The following WASHC4 variants were observed in gnomAD, a reference collection of about 807,000 sequenced individuals.
WASHC4 encodes WASH complex subunit 4.
In WASHC4, 86 loss-of-function variants were observed where a neutral mutation model predicts 166.6. That is an observed-to-expected ratio of 0.52 (90% CI 0.43 to 0.62). The LOEUF is 0.62. Ranked by LOEUF, WASHC4 falls within the 20% of genes least tolerant of loss-of-function variation. The pLI is 0.00. For synonymous variants in WASHC4, 446 were observed against 451.6 expected (o/e 0.99, Z 0.16); for missense variants, 1,262 against 1,382.4 (o/e 0.91, Z 1.38).
Position 105,168,525 on chromosome 12 carries a change from C to A in WASHC4, c.*1594C>A, listed in dbSNP as rs1407567843. On this transcript the variant is annotated 3_prime_UTR_variant, in exon 33 of 33. Transcript: ENST00000332180. ...GTATTGTTTTCTCTGTTTTTCTTCT[C>A]TAACTTCTCTGAAATCATCTCCTAT... The A allele has an allele frequency of 6.6e-6, 1 of 152,254 alleles. No individual in the cohort carries two copies. The highest frequency in any genetic ancestry group is 1.5e-5 in the Non-Finnish European group (1 of 67,892). 9.4% of individuals were successfully genotyped at this position (152,254 alleles called of 1,614,324 possible). A position where few individuals can be genotyped will look rare whatever the true frequency, so the allele number is the denominator to read the frequency against.
chr12:105,164,598 T>G, intron 31 of WASHC4, 43 bp from the exon 32 acceptor site: 1 of 1,360,104 alleles, frequency 7.4e-7, no homozygotes, highest in Non-Finnish European at 1.0e-6. Flanking sequence ...TTTGCCATAA[T>G]AAGTATTTTT....
chr12:105,112,824 T>C (rs1879820270), intron 2 of WASHC4, among the ~76,000 whole-genome samples: 1 of 152,152 alleles, frequency 6.6e-6, no homozygotes, highest in African/African-American at 2.4e-5. Context: ...GTAGATACAA[T>C]GTCATCTCCA....
intron 6 of WASHC4, among the ~76,000 whole-genome samples, chr12:105,117,223 G>C (rs1880271642): frequency 6.6e-6 from 1 of 152,150 alleles, no homozygotes. Flanking sequence ...TTGTCTGACA[G>C]TATAATAATA....
At chr12:105,154,943 G>C (rs1479943201) in intron 26 of WASHC4, among the ~76,000 whole-genome samples, 5 of 152,178 alleles carry the variant, frequency 3.3e-5, no homozygotes, top group African/African-American at 1.2e-4. Flanking sequence ...CCTTAAAATA[G>C]ATTCAATGTT....
At chr12:105,109,835 C>T (rs1275008371) in intron 1 of WASHC4, among the ~76,000 whole-genome samples, 1 of 151,760 alleles carries the variant, frequency 6.6e-6, no homozygotes, top group Non-Finnish European at 1.5e-5. Flanking sequence ...ATGTTGAACT[C>T]CTGGTCTCAA....
intron 8 of WASHC4, 31 bp downstream of exon 8, chr12:105,120,628 T>A: frequency 1.4e-6 from 2 of 1,480,084 alleles, no homozygotes; most frequent in Non-Finnish European, 1.9e-6. Context: ...CCTGTAAAAC[T>A]GTAATTATTA....
chr12:105,129,472 T>TG (rs1881602684), intron 13 of WASHC4, among the ~76,000 whole-genome samples: 1 of 152,214 alleles, frequency 6.6e-6, no homozygotes, highest in Non-Finnish European at 1.5e-5. Context: ...CCATGTGTCA[T>TG]GGGGGTTTGT....
At position 105,122,191 on chromosome 12, in the gene WASHC4, T is replaced by A; in HGVS notation, c.739T>A (p.Phe247Ile). The change falls in exon 10 of 33, where the codon TTC (phenylalanine) becomes ATC (isoleucine). Residue 247 changes from phenylalanine (F) to isoleucine (I), a missense_variant. Phe to Ile is a conservative substitution (Grantham distance 21). Transcript: ENST00000332180. ...QEEKLKPFEK[F>I]LLKLEGQLLD... ...AGAAAAATTAAAGCCATTTGAAAAG[T>A]TCTTGCTGAAGCTAGAAGGGCAATT... The A allele has an allele frequency of 6.2e-7, 1 of 1,612,890 alleles. No individual in the cohort carries two copies. Among genetic ancestry groups the A allele is most frequent in the African/African-American group, 1.3e-5 (1 of 75,000 alleles).
At chr12:105,119,554 C>T (rs1880522740) in intron 7 of WASHC4, among the ~76,000 whole-genome samples, 1 of 152,038 alleles carries the variant, frequency 6.6e-6, no homozygotes, top group African/African-American at 2.4e-5. Context: ...CTCCCATTTT[C>T]CCCCTCAGTT....
chr12:105,114,731 A>G (rs1457145680), intron 4 of WASHC4, among the ~76,000 whole-genome samples: 1 of 152,046 alleles, frequency 6.6e-6, no homozygotes, highest in East Asian at 1.9e-4. Flanking sequence ...TAGGTTTACA[A>G]ACCTCCAGAG....
intron 25 of WASHC4, among the ~76,000 whole-genome samples, chr12:105,150,097 T>C (rs1236299941): frequency 6.6e-6 from 1 of 152,236 alleles, no homozygotes; most frequent in East Asian, 1.9e-4. Context: ...TTCAGATATC[T>C]TTGTATATAA....
rs1883311553 is a variant in WASHC4, at chr12:105,146,543, A to C, written c.2409+17A>C. 2.0e-6 allele frequency: 3 copies of C among 1,496,960 alleles called. No individual in the cohort carries two copies. Among genetic ancestry groups the C allele is most frequent in the African/African-American group, 1.4e-5 (1 of 71,026 alleles). 92.7% of individuals were successfully genotyped at this position (1,496,960 alleles called of 1,614,324 possible). A position where few individuals can be genotyped will look rare whatever the true frequency, so the allele number is the denominator to read the frequency against. ...AACAATCAGGTGAGTAGGGTTTATA[A>C]ATTTTTTTTTTTTAATGTAGGTGGA... On this transcript the variant is annotated intron_variant, in intron 23 of 32. Transcript: ENST00000332180.
At chr12:105,127,022 T>A in intron 12 of WASHC4, 107 bp from the exon 13 acceptor site, 1 of 941,928 alleles carries the variant, frequency 1.1e-6, no homozygotes, top group Non-Finnish European at 1.7e-6. Context: ...TTTGTGGTTA[T>A]TTTTTCTTGA....
intron 1 of WASHC4, among the ~76,000 whole-genome samples, chr12:105,109,571 G>C (rs1879447160): frequency 6.6e-6 from 1 of 151,664 alleles, no homozygotes; most frequent in Admixed American, 6.6e-5. Flanking sequence ...TGTTATTTTA[G>C]GTTTTCTGTT....
At chr12:105,164,814 G>C (rs948602780) in intron 32 of WASHC4, 74 bp downstream of exon 32, 15 of 970,354 alleles carry the variant, frequency 1.5e-5, no homozygotes, top group Non-Finnish European at 2.4e-5. Context: ...CATTTTATCT[G>C]GTCAGACATC....
chr12:105,117,159 A>G (rs940768839), intron 6 of WASHC4, among the ~76,000 whole-genome samples: 1 of 152,176 alleles, frequency 6.6e-6, no homozygotes, highest in Non-Finnish European at 1.5e-5. Context: ...ATGATTATGT[A>G]TATGTATTTT....
At chr12:105,118,694 G>T (rs1270150541) in intron 7 of WASHC4, among the ~76,000 whole-genome samples, 166 bp downstream of exon 7, 2 of 152,212 alleles carry the variant, frequency 1.3e-5, no homozygotes, top group African/African-American at 4.8e-5. Flanking sequence ...GTAAGATGCA[G>T]TTTCCACCAT....
rs1884953579 is a variant in WASHC4 at position 105,169,110 on chromosome 12, T to G, written c.*2179T>G. 6.6e-6 allele frequency: 1 copy of G among 152,598 alleles called. No individual in the cohort carries two copies. The highest frequency in any genetic ancestry group is 1.5e-5 in the Non-Finnish European group (1 of 68,004). The allele number at this position is 152,598 out of a possible 1,614,324, so 9.5% of individuals were successfully genotyped here. A position where few individuals can be genotyped will look rare whatever the true frequency, so the allele number is the denominator to read the frequency against. On this transcript the variant is annotated 3_prime_UTR_variant, in exon 33 of 33. Transcript: ENST00000332180. The stretch of plus-strand genomic sequence containing the variant: ...GAATATAATGTGTATACTAAAACAT[T>G]AATAAACATAATTTTGAAAATTTCC...
At chr12:105,147,600 ATCT>A (rs1288625681) in intron 24 of WASHC4, 4 of 1,008,228 alleles carry the variant, frequency 4.0e-6, no homozygotes, top group Non-Finnish European at 2.4e-6. Flanking sequence ...AATATATTGA[ATCT>A]TCTTAGAAAT....
Sources: allele counts gnomAD v4.1 joint callset (sites outside exome capture counted in the v4.1 genomes callset), GRCh38; gene constraint gnomAD v4.1.1; transcripts MANE v1.5; gene names NCBI Gene and HGNC (gene_info 2026-07-23, HGNC 2026-07-21).